RASA3: variants seen among roughly 807,000 people sequenced by gnomAD.
RASA3 encodes ras GTPase-activating protein 3.
In RASA3, 73 loss-of-function variants were observed where a neutral mutation model predicts 110.0. The observed-to-expected ratio is 0.66, with a 90% confidence interval of 0.55 to 0.81. RASA3 has a LOEUF of 0.81. Among genes scored for constraint, RASA3 ranks in the 30% least tolerant of loss-of-function variants. The pLI, the probability that RASA3 is intolerant of heterozygous loss-of-function variation, is 0.00. For synonymous variants in RASA3, 500 were observed against 451.4 expected (o/e 1.11, Z -1.37); for missense variants, 976 against 1,113.2 (o/e 0.88, Z 1.75).
chr13:113,990,613 A>G (rs999871296), intron 22 of RASA3, among the ~76,000 whole-genome samples: 11 of 152,220 alleles, frequency 7.2e-5, no homozygotes, highest in African/African-American at 2.7e-4. Context: ...TCTTCACAGT[A>G]TCCAGGGACC....
intron 7 of RASA3, 73 bp from the exon 8 acceptor site, chr13:114,024,428 C>T (rs371627652): frequency 2.7e-4 from 373 of 1,368,554 alleles, no homozygotes; most frequent in East Asian, 5.1e-4. Context: ...ACCTAGGCCC[C>T]GGGCTGCCCT....
At chr13:114,053,892 G>A (rs2079194480) in intron 2 of RASA3, among the ~76,000 whole-genome samples, 1 of 152,266 alleles carries the variant, frequency 6.6e-6, no homozygotes. Flanking sequence ...TTGGGAGGCT[G>A]AGACTAACGA....
At chr13:114,034,543 A>G (rs1044466758) in intron 4 of RASA3, among the ~76,000 whole-genome samples, 1 of 152,214 alleles carries the variant, frequency 6.6e-6, no homozygotes, top group African/African-American at 2.4e-5. Context: ...TTCCTGCAGC[A>G]TGAATCCCTC....
At chr13:113,992,335 G>C (rs117599454) in intron 22 of RASA3, 150 bp downstream of exon 22, 2 of 528,944 alleles carry the variant, frequency 3.8e-6, no homozygotes, top group Non-Finnish European at 6.7e-6. Context: ...AAAGCTTTTC[G>C]CATCCATCCG....
chr13:114,021,281 A>G, intron 9 of RASA3, 123 bp downstream of exon 9: 1 of 753,472 alleles, frequency 1.3e-6, no homozygotes, highest in Non-Finnish European at 2.2e-6. Context: ...AAGTAAGAGC[A>G]GGTGGGTGCT....
chr13:113,979,480 C>A (rs1014832056), intron 23 of RASA3, 58 bp from the exon 24 acceptor site: 1 of 1,394,842 alleles, frequency 7.2e-7, no homozygotes, highest in Non-Finnish European at 1.0e-6. Flanking sequence ...GGTGCTCACC[C>A]GTGGCTGCGG....
rs1388563480 is a variant in RASA3 at position 114,041,328 on chromosome 13, T to G, written c.278-234A>C. On this transcript the variant is annotated intron_variant, in intron 3 of 23. Coordinates refer to ENST00000334062, the MANE Select transcript of RASA3 (RefSeq NM_007368.4). ...GGTGAAAACTTGTCTCTACAAAAAATAAAGGAATGAGCCGGGCATGGTGGC... is the reference window on the plus strand; with the variant it reads ...GGTGAAAACTTGTCTCTACAAAAAAGAAAGGAATGAGCCGGGCATGGTGGC... Among the ~76,000 whole-genome samples, 4 of 152,176 alleles carry G rather than the reference T, an allele frequency of 2.6e-5. No individual in the cohort carries two copies. In the East Asian group the frequency reaches 7.7e-4, roughly 29 times the overall value.
At chr13:114,059,462 C>T (rs1005569042) in intron 2 of RASA3, among the ~76,000 whole-genome samples, 95 of 152,398 alleles carry the variant, frequency 6.2e-4, no homozygotes, top group African/African-American at 2.2e-3. Context: ...CACAGGTGCC[C>T]ACACGGGCCT....
intron 22 of RASA3, among the ~76,000 whole-genome samples, chr13:113,982,726 CA>C (rs2052964239): frequency 6.6e-6 from 1 of 152,244 alleles, no homozygotes; most frequent in African/African-American, 2.4e-5. Context: ...GGGATGGCAT[CA>C]GGAGATGAGG....
At chr13:113,991,698 G>A (rs1379766423) in intron 22 of RASA3, among the ~76,000 whole-genome samples, 1 of 152,152 alleles carries the variant, frequency 6.6e-6, no homozygotes, top group African/African-American at 2.4e-5. Flanking sequence ...GGTGTGCCTG[G>A]CACTGTTTCA....
At chr13:114,021,534 T>G in intron 8 of RASA3, 26 bp from the exon 9 acceptor site, 41 of 1,595,240 alleles carry the variant, frequency 2.6e-5, no homozygotes, top group Non-Finnish European at 3.4e-5. Context: ...AGGACAGCTC[T>G]AGCTGACGGC....
chr13:114,055,416 C>T (rs932216618), intron 2 of RASA3, among the ~76,000 whole-genome samples: 6 of 152,236 alleles, frequency 3.9e-5, no homozygotes, highest in Admixed American at 3.9e-4. Flanking sequence ...CCAGGCAGCG[C>T]CCTGTGGCCT....
At position 114,012,493 on chromosome 13, in the gene RASA3, CCACT is replaced by C. The variant is rs375827428; in HGVS notation, c.1512+645_1512+648del. Among the ~76,000 whole-genome samples the C allele has an allele frequency of 4.7e-5, 7 of 147,626 alleles. No homozygotes were observed. In the East Asian group the frequency reaches 1.0e-3, roughly 22 times the overall value. The stretch of plus-strand genomic sequence containing the variant: ...ACACTCCCCATTCCAAACGCACTCC[CCACT>C]CACTCATTACACACACTCCCCACGC... On this transcript the variant is annotated intron_variant, in intron 15 of 23. Transcript: ENST00000334062.
intron 2 of RASA3, among the ~76,000 whole-genome samples, chr13:114,055,731 C>CAGCCCCGTTCGCT (rs2079233278): frequency 6.6e-6 from 1 of 152,206 alleles, no homozygotes; most frequent in Non-Finnish European, 1.5e-5. Context: ...TTGGCGTTTC[C>CAGCCCCGTTCGCT]AGCCCCGTTC....
chr13:114,121,181 G>C (rs540466254), intron 1 of RASA3, among the ~76,000 whole-genome samples: 1 of 152,354 alleles, frequency 6.6e-6, no homozygotes, highest in East Asian at 1.9e-4. Flanking sequence ...AAGTAGAAAG[G>C]CAGGTGCATC....
intron 3 of RASA3, among the ~76,000 whole-genome samples, chr13:114,043,591 A>C (rs1326467116): frequency 6.6e-6 from 1 of 151,994 alleles, no homozygotes; most frequent in Non-Finnish European, 1.5e-5. Flanking sequence ...ACAGACATAC[A>C]CAGGCCATCT....
chr13:114,023,166 G>C (rs1022308234), intron 8 of RASA3, among the ~76,000 whole-genome samples: 2 of 152,234 alleles, frequency 1.3e-5, no homozygotes, highest in African/African-American at 4.8e-5. Flanking sequence ...GGGTGACCAG[G>C]GATTTGATGG....
chr13:114,101,764 G>A (rs998547052), intron 1 of RASA3, among the ~76,000 whole-genome samples: 3 of 152,214 alleles, frequency 2.0e-5, no homozygotes, highest in Non-Finnish European at 2.9e-5. Flanking sequence ...CGGGGTCCTG[G>A]GGGTGAGAGG....
chr13:114,127,937 G>A lies in RASA3; in HGVS notation c.55+4498C>T, dbSNP rs115048463. Among the ~76,000 whole-genome samples the A allele has an allele frequency of 8.7e-3, 1,328 of 152,220 alleles. 14 individuals are homozygous for A. The highest frequency in any genetic ancestry group is 0.031 in the African/African-American group (1,269 of 41,522). ...CATGGAAACGACGCCCTTAGCATCT[G>A]CATCCAGCCTCCACACCCACACACG... On this transcript the variant is annotated intron_variant, in intron 1 of 23. Coordinates refer to ENST00000334062, the MANE Select transcript of RASA3 (RefSeq NM_007368.4).
Sources: gnomAD v4.1 joint callset for allele counts (sites outside exome capture counted in the v4.1 genomes callset) on GRCh38, gnomAD v4.1.1 for gene constraint, MANE v1.5 for transcripts, NCBI Gene and HGNC (gene_info 2026-07-23, HGNC 2026-07-21) for gene names.